RADIL: variants seen among roughly 807,000 people sequenced by gnomAD.
The protein encoded by RADIL is ras-associating and dilute domain-containing protein.
In RADIL, 99 loss-of-function variants were observed where a neutral mutation model predicts 97.6. The ratio of observed to expected loss-of-function variants is 1.01; its 90% CI spans 0.86 to 1.20. The LOEUF (loss-of-function observed/expected upper bound fraction) is 1.20. RADIL is among the 50% of genes most tolerant of loss of function. RADIL has a pLI of 0.00. For synonymous variants in RADIL, 803 were observed against 691.8 expected, an observed-to-expected ratio of 1.16 and a Z score of -2.52; for missense variants, 1,765 against 1,498.9, an observed-to-expected ratio of 1.18 and a Z score of -2.93.
At chr7:4,833,954 G>C (rs1489794908) in intron 4 of RADIL, among the ~76,000 whole-genome samples, 3 of 152,152 alleles carry the variant, frequency 2.0e-5, no homozygotes, top group Non-Finnish European at 2.9e-5. Context: ...AGGGTGACCG[G>C]CATCTAGGGG....
chr7:4,832,327 A>G, intron 4 of RADIL, 149 bp from the exon 5 acceptor site: 1 of 762,914 alleles, frequency 1.3e-6, no homozygotes, highest in Non-Finnish European at 2.2e-6. Context: ...GCTGTGCTGG[A>G]AAGGACATTT....
chr7:4,800,357 C>T, intron 12 of RADIL, 47 bp from the exon 13 acceptor site: 1 of 1,412,898 alleles, frequency 7.1e-7, no homozygotes, highest in Non-Finnish European at 9.2e-7. Context: ...CGCCAGGAAT[C>T]ACGACGAGGA....
At chr7:4,810,471 G>T (rs114785229) in intron 9 of RADIL, among the ~76,000 whole-genome samples, 3,570 of 152,288 alleles carry the variant, frequency 0.023, 141 homozygotes, top group African/African-American at 0.081. Context: ...TGTCTCCCAG[G>T]AACGAGTTTG....
At chr7:4,850,764 AACGCAGCCCAGCCGAT>A (rs1783689368) in intron 2 of RADIL, among the ~76,000 whole-genome samples, 1 of 152,214 alleles carries the variant, frequency 6.6e-6, no homozygotes, top group Non-Finnish European at 1.5e-5. Flanking sequence ...TCCAGAAAGG[AACGCAGCCCAGCCGAT>A]ACCTTGAGTG....
At chr7:4,881,101 TAAAAAA>T (rs58900044) in intron 1 of RADIL, among the ~76,000 whole-genome samples, 11 of 55,218 alleles carry the variant, frequency 2.0e-4, no homozygotes, top group Admixed American at 6.3e-4. Context: ...CCCTCTCTGT[TAAAAAA>T]AAAAAAAAAA....
At chr7:4,870,429 G>A (rs1027297680) in intron 2 of RADIL, among the ~76,000 whole-genome samples, 7 of 152,178 alleles carry the variant, frequency 4.6e-5, no homozygotes, top group Non-Finnish European at 8.8e-5. Context: ...ATATTAACGT[G>A]GTTTTTTGTT....
In RADIL at chr7:4,816,386, G is replaced by C. The variant is rs1366405109; in HGVS notation, c.1808C>G (p.Pro603Arg). Residue 603 changes from proline (P) to arginine (R), a missense_variant, in exon 8 of 15, where the codon CCC becomes CGC. Physicochemically the swap from Pro to Arg is moderately radical, Grantham distance 103. Transcript: ENST00000399583. ...TERRESWSSAPELPEELRRVV... is the reference protein window; with the variant it reads ...TERRESWSSARELPEELRRVV... ...GCGGCGCAGCTCCTCGGGCAGTTCG[G>C]GGGCCGAGGACCAGCTCTCACGGCG... 1.2e-6 allele frequency: 2 copies of C among 1,609,666 alleles called. No individual in the cohort carries two copies. The highest frequency in any genetic ancestry group is 8.5e-7 in the Non-Finnish European group (1 of 1,178,858).
chr7:4,831,130 G>A (rs974964716), intron 5 of RADIL, among the ~76,000 whole-genome samples: 40 of 151,586 alleles, frequency 2.6e-4, no homozygotes, highest in Admixed American at 7.9e-4. Context: ...GGTGGAGGTT[G>A]CCGTGAGCCG....
chr7:4,830,616 G>A (rs139014061), intron 5 of RADIL, among the ~76,000 whole-genome samples: 2,601 of 152,262 alleles, frequency 0.017, 39 homozygotes, highest in Non-Finnish European at 0.022. Flanking sequence ...AGTGGCTCAC[G>A]CTTGTAATCC....
chr7:4,816,676 T>C (rs998681417), intron 7 of RADIL, among the ~76,000 whole-genome samples: 1 of 149,702 alleles, frequency 6.7e-6, no homozygotes, highest in Admixed American at 6.6e-5. Context: ...GGAGCAGAGG[T>C]GGGGTGCAGG....
At position 4,800,249 on chromosome 7, in the gene RADIL, G is replaced by T. The variant is rs377564806; in HGVS notation, c.2904C>A (p.Thr968=). ...PPAPSSRSSS[T]EDFCYVFTVE... ...CCGTGAAGACGTAGCAGAAGTCCTC[G>T]GTGCTGGAGCTGCGGCTGGACGGGG... Residue 968 remains threonine, a synonymous_variant, in exon 13 of 15, where the codon ACC becomes ACA. Transcript: ENST00000399583. The T allele has an allele frequency of 6.3e-7, 1 of 1,579,990 alleles. No homozygotes were observed. Among genetic ancestry groups the T allele is most frequent in the South Asian group, 1.2e-5 (1 of 85,298 alleles).
chr7:4,816,190 T>C (rs776160867), intron 8 of RADIL, 38 bp downstream of exon 8: 68 of 1,568,470 alleles, frequency 4.3e-5, no homozygotes, highest in Non-Finnish European at 5.9e-5. Context: ...TCCAGGAATG[T>C]GAGCCCCCGA....
At chr7:4,848,390 C>T (rs544884432) in intron 2 of RADIL, among the ~76,000 whole-genome samples, 2 of 151,600 alleles carry the variant, frequency 1.3e-5, no homozygotes, top group South Asian at 4.2e-4. Context: ...CATTTCTTTA[C>T]GTCATAAGCC....
intron 2 of RADIL, among the ~76,000 whole-genome samples, chr7:4,875,489 C>T (rs1267972198): frequency 6.6e-6 from 1 of 152,184 alleles, no homozygotes; most frequent in African/African-American, 2.4e-5. Context: ...TCGCCTATCA[C>T]CTGTGAAGAC....
At position 4,802,015 on chromosome 7, in the gene RADIL, C is replaced by T. The variant is rs1025919804; in HGVS notation, c.2500-20G>A. On this transcript the variant is annotated intron_variant, in intron 11 of 14. Coordinates refer to ENST00000399583, the MANE Select transcript of RADIL (RefSeq NM_018059.5). ...CATACCCTAGGGAGAGGAAGGGTGA[C>T]AGCTCAGGTAGAGGAGTGGCCAGGT... 1.4e-5 allele frequency: 20 copies of T among 1,476,826 alleles called. No homozygotes were observed. Among genetic ancestry groups the T allele is most frequent in the Non-Finnish European group, 1.5e-5 (17 of 1,112,990 alleles). 91.5% of individuals were successfully genotyped at this position (1,476,826 alleles called of 1,614,324 possible).
chr7:4,855,604 G>A (rs993384260), intron 2 of RADIL, among the ~76,000 whole-genome samples: 21 of 113,854 alleles, frequency 1.8e-4, no homozygotes, highest in Non-Finnish European at 2.9e-4. Context: ...GACACTGTTA[G>A]ACTTTTTTAT....
At position 4,816,338 on chromosome 7, in the gene RADIL, G is replaced by A. The variant is rs1218336233; in HGVS notation, c.1856C>T (p.Ala619Val). 5 of 1,612,270 alleles carry A rather than the reference G, an allele frequency of 3.1e-6. No homozygotes were observed. The highest frequency in any genetic ancestry group is 3.3e-5 in the Admixed American group (2 of 59,934). The change falls in exon 8 of 15, where the codon GCC becomes GTC. Residue 619 changes from alanine (A) to valine (V), a missense_variant. By Grantham distance (64) the Ala-to-Val change is moderately conservative. Coordinates refer to ENST00000399583, the MANE Select transcript of RADIL (RefSeq NM_018059.5). ...LRRVVSVYQAALDLLRQLQVH... is the reference protein window; with the variant it reads ...LRRVVSVYQAVLDLLRQLQVH... ...CTGCAGCTGCCGCAGGAGGTCCAGGGCTGCCTGGTACACAGACACCACGCG... is the reference window on the plus strand; with the variant it reads ...CTGCAGCTGCCGCAGGAGGTCCAGGACTGCCTGGTACACAGACACCACGCG...
chr7:4,800,863 G>A (rs1476629604), intron 12 of RADIL, among the ~76,000 whole-genome samples: 2 of 152,176 alleles, frequency 1.3e-5, no homozygotes, highest in African/African-American at 4.8e-5. Context: ...AGCTTGGCCA[G>A]GTGGCCCCAA....
intron 2 of RADIL, among the ~76,000 whole-genome samples, chr7:4,851,583 G>A (rs1468879676): frequency 6.6e-6 from 1 of 152,190 alleles, no homozygotes; most frequent in Non-Finnish European, 1.5e-5. Context: ...AGGGCAGGGA[G>A]CTCACTGAAT....
Sources: allele counts gnomAD v4.1 joint callset (sites outside exome capture counted in the v4.1 genomes callset), GRCh38; gene constraint gnomAD v4.1.1; transcripts MANE v1.5; gene names NCBI Gene and HGNC (gene_info 2026-07-23, HGNC 2026-07-21).